HTR1F: variants seen among roughly 807,000 people sequenced by gnomAD.
The protein encoded by HTR1F is 5-hydroxytryptamine receptor 1F.
A neutral mutation model predicts 24.0 loss-of-function variants in HTR1F; 17 were observed. The ratio of observed to expected loss-of-function variants is 0.71; its 90% CI spans 0.48 to 1.06. The LOEUF (loss-of-function observed/expected upper bound fraction) is 1.06. Among genes scored for constraint, HTR1F ranks in the 50% least tolerant of loss-of-function variants. The probability of loss-of-function intolerance (pLI) is 0.00; values close to 1 mark genes in which losing one functional copy is unlikely to be tolerated. For missense variants in HTR1F, 391 were observed against 427.8 expected, an observed-to-expected ratio of 0.91 and a Z score of 0.76; for synonymous variants, 186 against 156.8, an observed-to-expected ratio of 1.19 and a Z score of -1.39.
intron 2 of HTR1F, among the ~76,000 whole-genome samples, chr3:87,900,416 T>C (rs1398378712): frequency 6.6e-6 from 1 of 152,064 alleles, no homozygotes; most frequent in Non-Finnish European, 1.5e-5. Flanking sequence ...CTCAGACAAG[T>C]TTGGGGAAAT....
intron 1 of HTR1F, among the ~76,000 whole-genome samples, chr3:87,797,772 T>C (rs979022275): frequency 4.6e-5 from 7 of 152,288 alleles, no homozygotes; most frequent in Admixed American, 1.3e-4. Context: ...TAAAAGTAGC[T>C]GGAGTGGGCC....
intron 2 of HTR1F, among the ~76,000 whole-genome samples, chr3:87,852,436 T>C (rs1002451240): frequency 2.4e-4 from 37 of 151,806 alleles, no homozygotes; most frequent in African/African-American, 9.0e-4. Context: ...ATTTTGCATA[T>C]AATATGAAGT....
At chr3:87,959,719 A>C (rs1236138930) in intron 2 of HTR1F, among the ~76,000 whole-genome samples, 1 of 150,472 alleles carries the variant, frequency 6.6e-6, no homozygotes, top group Non-Finnish European at 1.5e-5. Context: ...TGAATTTCTT[A>C]GTGTAATAAT....
At chr3:87,845,100 T>A (rs1216324678) in intron 2 of HTR1F, among the ~76,000 whole-genome samples, 1 of 151,684 alleles carries the variant, frequency 6.6e-6, no homozygotes, top group Non-Finnish European at 1.5e-5. Flanking sequence ...ATAAGAGCTA[T>A]CTATGAGAAA....
chr3:87,973,405 G>T (rs564243617), intron 2 of HTR1F, among the ~76,000 whole-genome samples: 1 of 152,212 alleles, frequency 6.6e-6, no homozygotes, highest in Non-Finnish European at 1.5e-5. Context: ...TCTCTCTGCA[G>T]CCTGCTCCCT....
chr3:87,816,905 C>A (rs1447020615), intron 1 of HTR1F, among the ~76,000 whole-genome samples: 1 of 151,946 alleles, frequency 6.6e-6, no homozygotes, highest in Non-Finnish European at 1.5e-5. Context: ...TGTTTACTTA[C>A]CTGAAAAATT....
At chr3:87,805,584 G>C (rs768925589) in intron 1 of HTR1F, among the ~76,000 whole-genome samples, 1 of 151,942 alleles carries the variant, frequency 6.6e-6, no homozygotes, top group Non-Finnish European at 1.5e-5. Context: ...ATCAAGTCAG[G>C]ATATTTAGAG....
At chr3:87,978,264 T>A (rs1705442654) in intron 2 of HTR1F, among the ~76,000 whole-genome samples, 1 of 152,180 alleles carries the variant, frequency 6.6e-6, no homozygotes, top group Non-Finnish European at 1.5e-5. Context: ...CACCACTCCC[T>A]GAGCTCCCAG....
At chr3:87,874,218 T>C (rs1328586204) in intron 2 of HTR1F, among the ~76,000 whole-genome samples, 1 of 152,020 alleles carries the variant, frequency 6.6e-6, no homozygotes, top group South Asian at 2.1e-4. Context: ...ATCTTTTATG[T>C]AGAAAACCCT....
intron 2 of HTR1F, among the ~76,000 whole-genome samples, chr3:87,889,090 C>CATCT (rs1423311083): frequency 6.6e-6 from 1 of 152,078 alleles, no homozygotes; most frequent in Non-Finnish European, 1.5e-5. Flanking sequence ...AAGAGCCTGG[C>CATCT]ATCTCCCCAG....
chr3:87,893,305 T>C (rs1287709496), intron 2 of HTR1F, among the ~76,000 whole-genome samples: 1 of 152,226 alleles, frequency 6.6e-6, no homozygotes, highest in African/African-American at 2.4e-5. Flanking sequence ...GCATTAATTC[T>C]AGTACATGTA....
chr3:87,956,569 T>C (rs1704948222), intron 2 of HTR1F, among the ~76,000 whole-genome samples: 1 of 151,364 alleles, frequency 6.6e-6, no homozygotes, highest in African/African-American at 2.4e-5. Flanking sequence ...GTGGAATCTA[T>C]AGATAAATTT....
At chr3:87,806,164 C>G (rs536973131) in intron 1 of HTR1F, among the ~76,000 whole-genome samples, 1 of 152,124 alleles carries the variant, frequency 6.6e-6, no homozygotes, top group African/African-American at 2.4e-5. Context: ...CACTGATGAA[C>G]ACTTAGGTTG....
At chr3:87,844,260 G>C (rs1251847574) in intron 2 of HTR1F, among the ~76,000 whole-genome samples, 3 of 151,486 alleles carry the variant, frequency 2.0e-5, no homozygotes. Flanking sequence ...GTTTTGATTT[G>C]CGTTTCTCTG....
At chr3:87,948,060 A>T (rs988536067) in intron 2 of HTR1F, among the ~76,000 whole-genome samples, 1 of 152,158 alleles carries the variant, frequency 6.6e-6, no homozygotes, top group African/African-American at 2.4e-5. Flanking sequence ...TATTCCATTG[A>T]AAAAAATACA....
intron 2 of HTR1F, among the ~76,000 whole-genome samples, chr3:87,906,126 GA>G (rs887696703): frequency 5.3e-5 from 8 of 151,956 alleles, no homozygotes; most frequent in Admixed American, 4.6e-4. Flanking sequence ...TGTCACTTGG[GA>G]AAAAAAGTGT....
intron 2 of HTR1F, among the ~76,000 whole-genome samples, chr3:87,905,989 G>T (rs1273179493): frequency 6.6e-6 from 1 of 151,990 alleles, no homozygotes; most frequent in African/African-American, 2.4e-5. Context: ...GGCTGGCAAG[G>T]TTCAATTTCT....
At chr3:87,958,779 A>T in intron 2 of HTR1F, among the ~76,000 whole-genome samples, 1 of 151,666 alleles carries the variant, frequency 6.6e-6, no homozygotes, top group South Asian at 2.1e-4. Context: ...CTCTCTTGCC[A>T]ATCTGATTGT....
At position 87,925,242 on chromosome 3, in the gene HTR1F, C is replaced by T. The variant is rs76793575; in HGVS notation, c.-42-65466C>T. Among the ~76,000 whole-genome samples the T allele has an allele frequency of 2.9e-3, 440 of 152,134 alleles. 10 individuals are homozygous for T. The East Asian group carries it at 0.04, about 14-fold the overall frequency. On this transcript the variant is annotated intron_variant, in intron 2 of 2. Coordinates refer to ENST00000319595, the MANE Select transcript of HTR1F (RefSeq NM_001322209.2). ...AGACTCCCTGGTCAAGGGATTGGGG[C>T]GACCAATGGTGGCAGATGCTGGGCA...
Sources: gnomAD v4.1 joint callset for allele counts (sites outside exome capture counted in the v4.1 genomes callset) on GRCh38, gnomAD v4.1.1 for gene constraint, MANE v1.5 for transcripts, NCBI Gene and HGNC (gene_info 2026-07-23, HGNC 2026-07-21) for gene names.